SLC37A2: variants seen among roughly 807,000 people sequenced by gnomAD.
SLC37A2 encodes glucose-6-phosphate exchanger SLC37A2.
SLC37A2 carries 59 observed loss-of-function variants against 70.7 expected under a neutral mutation model. The ratio of observed to expected loss-of-function variants is 0.83; its 90% CI spans 0.68 to 1.04. The LOEUF (loss-of-function observed/expected upper bound fraction) is 1.04. Ranked by LOEUF, SLC37A2 falls within the 50% of genes least tolerant of loss-of-function variation. The pLI, the probability that SLC37A2 is intolerant of heterozygous loss-of-function variation, is 0.00. For synonymous variants in SLC37A2, 257 were observed against 262.1 expected (o/e 0.98, Z 0.19); for missense variants, 580 against 658.1 (o/e 0.88, Z 1.30).
intron 1 of SLC37A2, among the ~76,000 whole-genome samples, chr11:125,067,784 T>C (rs1948996066): frequency 6.6e-6 from 1 of 151,582 alleles, no homozygotes; most frequent in South Asian, 2.1e-4. Flanking sequence ...TCTACAAACC[T>C]AAAATGTATC....
rs778867235 is a variant in SLC37A2 at position 125,084,903 on chromosome 11, C to T, written c.1174+30C>T. On this transcript the variant is annotated intron_variant, in intron 13 of 17. Coordinates refer to ENST00000403796, the MANE Select transcript of SLC37A2 (RefSeq NM_001145290.2). ...GGAGGAGGTTGCAAGTCCTGCCAGG[C>T]CAGGGGAAAGGCACTGCCTTGGGGG... The T allele has an allele frequency of 3.7e-6, 6 of 1,612,598 alleles. No homozygotes were observed. The East Asian group carries it at 1.1e-4, about 30-fold the overall frequency.
intron 1 of SLC37A2, among the ~76,000 whole-genome samples, chr11:125,071,049 A>G (rs1282884770): frequency 6.6e-6 from 1 of 152,226 alleles, no homozygotes; most frequent in Admixed American, 6.5e-5. Context: ...AAGTAACAGC[A>G]GAATTGAGGA....
At chr11:125,084,377 C>G in intron 12 of SLC37A2, 58 bp downstream of exon 12, 1 of 1,564,204 alleles carries the variant, frequency 6.4e-7, no homozygotes, top group South Asian at 1.1e-5. Context: ...CTGTGTGGGC[C>G]TCTGGCCTAT....
In SLC37A2 at chr11:125,085,292, C is replaced by T. The variant is rs111428391; in HGVS notation, c.1249-103C>T. The T allele has an allele frequency of 4.8e-5, 64 of 1,343,958 alleles. 1 individual carries two copies. The African/African-American group carries it at 7.4e-4, about 16-fold the overall frequency. 83.3% of individuals were successfully genotyped at this position (1,343,958 alleles called of 1,614,324 possible). A position where few individuals can be genotyped will look rare whatever the true frequency, so the allele number is the denominator to read the frequency against. On this transcript the variant is annotated intron_variant, in intron 14 of 17. Coordinates refer to ENST00000403796, the MANE Select transcript of SLC37A2 (RefSeq NM_001145290.2). Reference sequence around the variant, plus strand: ...ACCATGGGCCCCTCTCCTCTCAAGCCCAAACCCCAGTTACCACCTTCCCTG... The same window carrying T: ...ACCATGGGCCCCTCTCCTCTCAAGCTCAAACCCCAGTTACCACCTTCCCTG...
intron 4 of SLC37A2, 30 bp downstream of exon 4, chr11:125,077,558 G>A (rs1250353268): frequency 1.9e-6 from 3 of 1,587,450 alleles, no homozygotes; most frequent in Non-Finnish European, 2.6e-6. Flanking sequence ...CTATGACCAA[G>A]AGGAGGATGG....
intron 17 of SLC37A2, chr11:125,087,413 C>T (rs977393489): frequency 6.6e-6 from 1 of 152,562 alleles, no homozygotes; most frequent in Admixed American, 6.5e-5. Context: ...TCCAAAAACC[C>T]CTGGACAGTC....
In SLC37A2 at chr11:125,063,499, C is replaced by T; in HGVS notation, c.59+73C>T. 1 of 1,398,234 alleles carries T rather than the reference C, an allele frequency of 7.2e-7. No homozygotes were observed. Among genetic ancestry groups the T allele is most frequent in the Non-Finnish European group, 9.9e-7 (1 of 1,014,242 alleles). 86.6% of individuals were successfully genotyped at this position (1,398,234 alleles called of 1,614,324 possible). A position where few individuals can be genotyped will look rare whatever the true frequency, so the allele number is the denominator to read the frequency against. The stretch of plus-strand genomic sequence containing the variant: ...GGCTTGCAGGGGCCGCGGGGGGCCT[C>T]GGAGATCACCCCAGATCGGCCCCGG... On this transcript the variant is annotated intron_variant, in intron 1 of 17. Coordinates refer to ENST00000403796, the MANE Select transcript of SLC37A2 (RefSeq NM_001145290.2). The surrounding 1 kb of genome is among the most constrained non-coding windows in gnomAD (Gnocchi z 5.4).
chr11:125,086,695 C>T (rs548459963), intron 17 of SLC37A2: 2 of 264,218 alleles, frequency 7.6e-6, no homozygotes, highest in Non-Finnish European at 7.4e-6. Context: ...GTGCTCTCTG[C>T]CTACTGTCTG....
intron 2 of SLC37A2, 128 bp downstream of exon 2, chr11:125,076,966 G>C (rs966468147): frequency 3.3e-6 from 3 of 911,646 alleles, no homozygotes; most frequent in Non-Finnish European, 5.1e-6. Flanking sequence ...GTCTTCCCCA[G>C]GAGCTCCTTT....
chr11:125,070,335 C>G (rs926490434), intron 1 of SLC37A2, among the ~76,000 whole-genome samples: 2 of 152,212 alleles, frequency 1.3e-5, no homozygotes, highest in African/African-American at 2.4e-5. Context: ...GAAAGACATT[C>G]AAATTCATAC....
rs1295108684 is a variant in SLC37A2 at position 125,090,014 on chromosome 11, C to A, written c.*1880C>A. 6.6e-6 allele frequency: 1 copy of A among 152,338 alleles called. No homozygotes were observed. Among genetic ancestry groups the A allele is most frequent in the Non-Finnish European group, 1.5e-5 (1 of 68,124 alleles). 9.4% of individuals were successfully genotyped at this position (152,338 alleles called of 1,614,324 possible). ...ATGTCCTGCTCAGGGATTGTAAACA[C>A]ACCAATCAGCACCCTGTGTTTAGCT... On this transcript the variant is annotated 3_prime_UTR_variant, in exon 18 of 18. Coordinates refer to ENST00000403796, the MANE Select transcript of SLC37A2 (RefSeq NM_001145290.2).
chr11:125,087,758 G>C (rs1189935101), intron 17 of SLC37A2: 1 of 186,414 alleles, frequency 5.4e-6, no homozygotes, highest in South Asian at 1.1e-4. Context: ...TCAGCCTCCC[G>C]AGTAGCTGGG....
chr11:125,071,562 G>A (rs1330191540), intron 1 of SLC37A2, among the ~76,000 whole-genome samples: 2 of 152,216 alleles, frequency 1.3e-5, no homozygotes, highest in African/African-American at 4.8e-5. Context: ...TGAGTTCCTC[G>A]TGGCTCCTGG....
chr11:125,076,736 A>G, intron 1 of SLC37A2, 21 bp from the exon 2 acceptor site: 1 of 1,613,322 alleles, frequency 6.2e-7, no homozygotes, highest in Non-Finnish European at 8.5e-7. Flanking sequence ...CCACTAACGC[A>G]GATGCTGTCC....
intron 17 of SLC37A2, 195 bp from the exon 18 acceptor site, chr11:125,087,924 G>A (rs772831149): frequency 2.0e-4 from 118 of 594,598 alleles, no homozygotes; most frequent in South Asian, 8.6e-4. Flanking sequence ...GAGCCACCGC[G>A]CCCGGCCAGG....
At chr11:125,087,079 C>T (rs1397213787) in intron 17 of SLC37A2, 2 of 153,020 alleles carry the variant, frequency 1.3e-5, no homozygotes, top group Non-Finnish European at 1.5e-5. Flanking sequence ...CCCAAAGTTC[C>T]TGTGCCTGTG....
chr11:125,078,052 C>G (rs1345384813), intron 4 of SLC37A2, among the ~76,000 whole-genome samples: 2 of 152,164 alleles, frequency 1.3e-5, no homozygotes, highest in Non-Finnish European at 2.9e-5. Context: ...ATTACTCAGT[C>G]CAAGCTGAGC....
rs1949245356 is a variant in SLC37A2 at position 125,088,270 on chromosome 11, C to T, written c.*136C>T. ...GAACATTAGCCAGCCCAGCCCAGACCCCAGGGCTGCCTAAGGACACAGAGA... is the reference window on the plus strand; with the variant it reads ...GAACATTAGCCAGCCCAGCCCAGACTCCAGGGCTGCCTAAGGACACAGAGA... On this transcript the variant is annotated 3_prime_UTR_variant, in exon 18 of 18. Transcript: ENST00000403796. 1 of 952,318 alleles carries T rather than the reference C, an allele frequency of 1.1e-6. No homozygotes were observed. The highest frequency in any genetic ancestry group is 1.7e-5 in the African/African-American group (1 of 60,518). 59.0% of individuals were successfully genotyped at this position (952,318 alleles called of 1,614,324 possible).
In SLC37A2 at chr11:125,088,859, G is replaced by C. The variant is rs1356384785; in HGVS notation, c.*725G>C. The stretch of plus-strand genomic sequence containing the variant: ...GGAAGGTGATGGGGGCCGGTGCTGT[G>C]GGGAGAGTAGAAAGAGGGGTTGGCA... On this transcript the variant is annotated 3_prime_UTR_variant, in exon 18 of 18. Coordinates refer to ENST00000403796, the MANE Select transcript of SLC37A2 (RefSeq NM_001145290.2). 6 of 152,316 alleles carry C rather than the reference G, an allele frequency of 3.9e-5. No homozygotes were observed. Among genetic ancestry groups the C allele is most frequent in the Non-Finnish European group, 7.3e-5 (5 of 68,126 alleles). The allele number at this position is 152,316 out of a possible 1,614,324, so 9.4% of individuals were successfully genotyped here.
Sources: allele counts gnomAD v4.1 joint callset (sites outside exome capture counted in the v4.1 genomes callset), GRCh38; gene constraint gnomAD v4.1.1; non-coding constraint Gnocchi (gnomAD v3.1); transcripts MANE v1.5; gene names NCBI Gene and HGNC (gene_info 2026-07-23, HGNC 2026-07-21).